The following METTL22 variants were observed in gnomAD, a reference collection of about 807,000 sequenced individuals.
METTL22 encodes methyltransferase 22, Kin17 lysine, also known as methyltransferase-like protein 22.
In METTL22, 51 loss-of-function variants were observed where a neutral mutation model predicts 48.4. The observed-to-expected ratio is 1.05, with a 90% CI of 0.84 to 1.33. METTL22 has a LOEUF of 1.33. Ranked by LOEUF, METTL22 falls within the 40% of genes most tolerant of loss-of-function variation. METTL22 has a pLI of 0.00. For synonymous variants in METTL22, 255 were observed against 214.1 expected, an observed-to-expected ratio of 1.19 and a Z score of -1.67; for missense variants, 678 against 526.9, an observed-to-expected ratio of 1.29 and a Z score of -2.81.
chr16:8,639,035 G>T, intron 5 of METTL22, 56 bp from the exon 6 acceptor site: 1 of 1,566,500 alleles, frequency 6.4e-7, no homozygotes, highest in Admixed American at 1.7e-5. Context: ...CAAAAAACAT[G>T]GAGATAAAAG....
intron 10 of METTL22, among the ~76,000 whole-genome samples, chr16:8,645,311 C>T (rs2056753554): frequency 1.3e-5 from 2 of 152,176 alleles, no homozygotes; most frequent in African/African-American, 2.4e-5. Flanking sequence ...GCCGCCCTTG[C>T]ACTCTGTCTC....
the METTL22 span, among the ~76,000 whole-genome samples, chr16:8,665,895 G>A: frequency 6.6e-6 from 1 of 152,292 alleles, no homozygotes; most frequent in African/African-American, 2.4e-5. Flanking sequence ...CTGAGGGTGC[G>A]AATGAGCTAC....
intron 3 of METTL22, among the ~76,000 whole-genome samples, chr16:8,634,435 C>A (rs1731046): frequency 0.99 from 150,396 of 152,242 alleles, 74,317 homozygotes; most frequent in Middle Eastern, 1. Context: ...GTGTTCCCCC[C>A]TCCACCAGAA....
chr16:8,632,977 C>T (rs571776479), intron 3 of METTL22, among the ~76,000 whole-genome samples: 132 of 152,118 alleles, frequency 8.7e-4, no homozygotes, highest in African/African-American at 2.9e-3. Flanking sequence ...CAGCAGGAAC[C>T]CTTAGGACAG....
Position 8,629,075 on chromosome 16 carries a change from A to G in METTL22, c.479A>G (p.Glu160Gly), listed in dbSNP as rs780136171. The G allele has an allele frequency of 1.2e-6, 2 of 1,613,654 alleles. No homozygotes were observed. The highest frequency in any genetic ancestry group is 1.3e-5 in the African/African-American group (1 of 74,922). ...AQEEDDVLGE[E>G]AQGSPHDIIR... is the part of the protein sequence containing the mutation. ...GAAGAAGACGACGTCCTGGGAGAGG[A>G]AGCACAAGGCAGCCCGCACGATATC... Residue 160 changes from glutamate to glycine, a missense_variant, in exon 3 of 11, where the codon GAA becomes GGA. Glu to Gly is a moderately conservative substitution (Grantham distance 98, BLOSUM62 -2). Transcript: ENST00000381920.
At chr16:8,666,968 G>A in the METTL22 span, 1 of 151,414 alleles carries the variant, frequency 6.6e-6, no homozygotes, top group African/African-American at 2.4e-5. Context: ...TTTGTTTTTT[G>A]TATTTTTAGT....
the METTL22 span, among the ~76,000 whole-genome samples, chr16:8,660,865 GGAGGAGGAGGAA>G: frequency 0.08 from 2,242 of 27,980 alleles, 459 homozygotes; most frequent in African/African-American, 0.15. Flanking sequence ...AGGAAGAGGA[GGAGGAGGAGGAA>G]GAGGAGGAGG....
At chr16:8,629,852 A>G (rs2056193989) in intron 3 of METTL22, among the ~76,000 whole-genome samples, 1 of 152,142 alleles carries the variant, frequency 6.6e-6, no homozygotes, top group South Asian at 2.1e-4. Flanking sequence ...TTAAGCACCT[A>G]TCGTGTTTTG....
At chr16:8,655,893 G>T in the METTL22 span, among the ~76,000 whole-genome samples, 9 of 152,222 alleles carry the variant, frequency 5.9e-5, no homozygotes, top group Admixed American at 5.9e-4. Context: ...AGAGGAGAGG[G>T]CTGAGGGTGA....
intron 2 of METTL22, among the ~76,000 whole-genome samples, chr16:8,628,516 A>G (rs2056138853): frequency 6.6e-6 from 1 of 151,714 alleles, no homozygotes; most frequent in Admixed American, 6.6e-5. Context: ...ATAGATTCTC[A>G]TGAAATGGCG....
chr16:8,624,515 G>T (rs912417444), intron 1 of METTL22, among the ~76,000 whole-genome samples: 1 of 151,942 alleles, frequency 6.6e-6, no homozygotes, highest in East Asian at 1.9e-4. Flanking sequence ...AAGTAGCTGG[G>T]ACTACCAGCG....
intron 3 of METTL22, among the ~76,000 whole-genome samples, chr16:8,633,421 A>T (rs1170789912): frequency 1.3e-5 from 2 of 152,102 alleles, no homozygotes; most frequent in Non-Finnish European, 2.9e-5. Context: ...ACATGCTGAG[A>T]CCCTATCTCT....
In METTL22 at chr16:8,646,139, C is replaced by T. The variant is rs1223195877; in HGVS notation, c.1211C>T (p.Thr404Ile). 3 of 1,579,254 alleles carry T rather than the reference C, an allele frequency of 1.9e-6. No individual in the cohort carries two copies. The highest frequency in any genetic ancestry group is 2.6e-6 in the Non-Finnish European group (3 of 1,166,122). The change falls in exon 11 of 11, where the codon ACA becomes ATA. Residue 404 changes from threonine (T) to isoleucine (I), a missense_variant. By Grantham distance (89) the Thr-to-Ile change is moderately conservative. Coordinates refer to ENST00000381920, the MANE Select transcript of METTL22 (RefSeq NM_024109.4). ...TGGAAGATCATCGCAGAACCAGTAA[C>T]ATGACCCATCGCCTCCACAAGGCGC... The part of the protein sequence containing the change: ...ELWKIIAEPV[T>I]
chr16:8,629,608 G>C lies in METTL22; in HGVS notation c.514+498G>C, dbSNP rs78309506. Among the ~76,000 whole-genome samples, 56 of 152,266 alleles carry C rather than the reference G, an allele frequency of 3.7e-4. 1 individual carries two copies. Among genetic ancestry groups the C allele is most frequent in the African/African-American group, 1.3e-3 (55 of 41,544 alleles). The stretch of plus-strand genomic sequence containing the variant: ...GGGGCGTGGACCAGTCAGATGGACT[G>C]GGAGCTGGGAGCTAGAAGCCAGGTA... On this transcript the variant is annotated intron_variant, in intron 3 of 10. Coordinates refer to ENST00000381920, the MANE Select transcript of METTL22 (RefSeq NM_024109.4).
chr16:8,627,491 A>G (rs758619229), intron 2 of METTL22, among the ~76,000 whole-genome samples: 27 of 151,932 alleles, frequency 1.8e-4, no homozygotes, highest in African/African-American at 5.8e-4. Flanking sequence ...CCTAACCCCA[A>G]CTACCCTGTA....
intron 5 of METTL22, among the ~76,000 whole-genome samples, chr16:8,638,138 C>T (rs1025323194): frequency 6.6e-6 from 1 of 152,040 alleles, no homozygotes; most frequent in Non-Finnish European, 1.5e-5. Context: ...AAGTGCGAAA[C>T]TCCGTTTCCA....
chr16:8,628,313 T>G (rs2056131811), intron 2 of METTL22, among the ~76,000 whole-genome samples: 1 of 152,178 alleles, frequency 6.6e-6, no homozygotes, highest in Non-Finnish European at 1.5e-5. Flanking sequence ...TCGGACAGAT[T>G]CAAAAACTGG....
the METTL22 span, among the ~76,000 whole-genome samples, chr16:8,663,099 G>T: frequency 6.6e-6 from 1 of 151,304 alleles, no homozygotes; most frequent in Non-Finnish European, 1.5e-5. Flanking sequence ...TCAGCTACTT[G>T]GGAGGCTGAG....
At chr16:8,649,956 C>T (rs1046807015), downstream of METTL22, among the ~76,000 whole-genome samples, 7 of 152,144 alleles carry the variant, frequency 4.6e-5, no homozygotes, top group South Asian at 4.1e-4. Context: ...AACAAGCTCC[C>T]GGGTGATGCT....
Sources: gnomAD v4.1 joint callset for allele counts (sites outside exome capture counted in the v4.1 genomes callset) on GRCh38, gnomAD v4.1.1 for gene constraint, MANE v1.5 for transcripts, NCBI Gene and HGNC (gene_info 2026-07-23, HGNC 2026-07-21) for gene names.